RAP1GDS1: variants seen among roughly 807,000 people sequenced by gnomAD.
RAP1GDS1 encodes Rap1 GTPase-GDP dissociation stimulator 1, also known as RAP1, GTP-GDP dissociation stimulator 1.
A neutral mutation model predicts 71.1 loss-of-function variants in RAP1GDS1; 35 were observed. That is an observed-to-expected ratio of 0.49 (90% CI 0.38 to 0.65). The LOEUF (loss-of-function observed/expected upper bound fraction) is 0.65, where lower values mean the gene tolerates loss of function less well. Among genes scored for constraint, RAP1GDS1 ranks in the 30% least tolerant of loss-of-function variants. RAP1GDS1 has a pLI of 0.00. For synonymous variants in RAP1GDS1, 229 were observed against 243.1 expected, an observed-to-expected ratio of 0.94 and a Z score of 0.54; for missense variants, 663 against 706.1, an observed-to-expected ratio of 0.94 and a Z score of 0.69.
intron 1 of RAP1GDS1, among the ~76,000 whole-genome samples, chr4:98,268,469 C>G (rs943966425): frequency 1.3e-5 from 2 of 151,316 alleles, no homozygotes; most frequent in Non-Finnish European, 2.9e-5. Flanking sequence ...CCTAGCAGAG[C>G]AAATAGACAA....
chr4:98,276,092 G>A (rs1452346285), intron 1 of RAP1GDS1, among the ~76,000 whole-genome samples: 1 of 152,084 alleles, frequency 6.6e-6, no homozygotes, highest in Non-Finnish European at 1.5e-5. Context: ...TCAAGGTGCT[G>A]GCAGATTCAG....
At chr4:98,282,838 T>TC (rs1725356784) in intron 1 of RAP1GDS1, among the ~76,000 whole-genome samples, 1 of 152,204 alleles carries the variant, frequency 6.6e-6, no homozygotes, top group South Asian at 2.1e-4. Context: ...CTCATTGGTT[T>TC]CAAAGAACAT....
intron 2 of RAP1GDS1, among the ~76,000 whole-genome samples, chr4:98,308,871 A>T (rs543927192): frequency 4.6e-5 from 7 of 152,156 alleles, no homozygotes; most frequent in Non-Finnish European, 5.9e-5. Flanking sequence ...CTAGTAATGT[A>T]TAGTTTCAAA....
chr4:98,379,169 C>A lies in RAP1GDS1; in HGVS notation c.508+6C>A. The stretch of plus-strand genomic sequence containing the variant: ...GAACTATAGCAATGAGAATGGTAAA[C>A]AAAACTGAAAACTTGCTTTATCTCT... On this transcript the variant is annotated splice_donor_region_variant and intron_variant, in intron 5 of 14. Coordinates refer to ENST00000408927, the MANE Select transcript of RAP1GDS1 (RefSeq NM_001100427.2). 1 of 1,563,376 alleles carries A rather than the reference C, an allele frequency of 6.4e-7. No individual in the cohort carries two copies. Among genetic ancestry groups the A allele is most frequent in the Non-Finnish European group, 8.6e-7 (1 of 1,159,252 alleles).
At chr4:98,408,107 T>A (rs867627105) in intron 7 of RAP1GDS1, among the ~76,000 whole-genome samples, 238 of 149,678 alleles carry the variant, frequency 1.6e-3, no homozygotes, top group South Asian at 5.2e-3. Context: ...TATATATATT[T>A]TTTTTTTTCC....
intron 2 of RAP1GDS1, among the ~76,000 whole-genome samples, chr4:98,320,456 T>C (rs1731657796): frequency 6.6e-6 from 1 of 152,196 alleles, no homozygotes; most frequent in Non-Finnish European, 1.5e-5. Flanking sequence ...GATGGCCGAA[T>C]AGGAACAGCT....
At chr4:98,279,604 T>C (rs1455558691) in intron 1 of RAP1GDS1, among the ~76,000 whole-genome samples, 8 of 152,112 alleles carry the variant, frequency 5.3e-5, no homozygotes, top group Admixed American at 5.2e-4. Flanking sequence ...CATTATAAAA[T>C]ATTTTCTGAA....
At chr4:98,268,237 A>G (rs1426302959) in intron 1 of RAP1GDS1, among the ~76,000 whole-genome samples, 1 of 152,206 alleles carries the variant, frequency 6.6e-6, no homozygotes. Context: ...ATCTCAGTTG[A>G]TGCAGAAAAA....
At chr4:98,326,355 A>G (rs1733083741) in intron 2 of RAP1GDS1, among the ~76,000 whole-genome samples, 1 of 152,090 alleles carries the variant, frequency 6.6e-6, no homozygotes, top group Non-Finnish European at 1.5e-5. Context: ...TTAATATCAA[A>G]TTTCTACTTG....
chr4:98,293,281 A>G, intron 1 of RAP1GDS1, 127 bp from the exon 2 acceptor site: 1 of 592,548 alleles, frequency 1.7e-6, no homozygotes, highest in South Asian at 2.5e-5. Flanking sequence ...CCATTTTGGA[A>G]TGTACGTGGA....
At chr4:98,320,375 G>A (rs1046561010) in intron 2 of RAP1GDS1, among the ~76,000 whole-genome samples, 2 of 152,216 alleles carry the variant, frequency 1.3e-5, no homozygotes, top group African/African-American at 4.8e-5. Context: ...ATCTGGAGAA[G>A]AGCTGTTTGA....
intron 12 of RAP1GDS1, among the ~76,000 whole-genome samples, chr4:98,431,842 A>G (rs140055753): frequency 8.5e-5 from 13 of 152,338 alleles, no homozygotes; most frequent in East Asian, 7.7e-4. Context: ...TGTTTTATCT[A>G]TTTTTTAATC....
chr4:98,371,747 C>T (rs945064013), intron 4 of RAP1GDS1, among the ~76,000 whole-genome samples: 6 of 152,092 alleles, frequency 3.9e-5, no homozygotes, highest in East Asian at 3.9e-4. Flanking sequence ...TACGAGCCTC[C>T]GCCCCTGGCC....
At chr4:98,269,871 A>G (rs1167801773) in intron 1 of RAP1GDS1, among the ~76,000 whole-genome samples, 1 of 152,186 alleles carries the variant, frequency 6.6e-6, no homozygotes, top group Non-Finnish European at 1.5e-5. Flanking sequence ...GGGATACTCA[A>G]TCTGTATTTA....
intron 1 of RAP1GDS1, among the ~76,000 whole-genome samples, chr4:98,285,073 C>G (rs1725775272): frequency 6.6e-6 from 1 of 152,004 alleles, no homozygotes; most frequent in African/African-American, 2.4e-5. Flanking sequence ...AATAAAATGG[C>G]TTTTGTTTTA....
chr4:98,434,619 C>A (rs1016766214), intron 13 of RAP1GDS1, among the ~76,000 whole-genome samples: 12 of 134,456 alleles, frequency 8.9e-5, no homozygotes, highest in African/African-American at 3.3e-4. Flanking sequence ...TTTAACATAG[C>A]TTTTTTTTTT....
At chr4:98,430,908 T>C (rs540127632) in intron 12 of RAP1GDS1, among the ~76,000 whole-genome samples, 1 of 152,316 alleles carries the variant, frequency 6.6e-6, no homozygotes, top group South Asian at 2.1e-4. Flanking sequence ...TTCATGCTGC[T>C]TAGTCATCTC....
chr4:98,283,453 G>A (rs558377972), intron 1 of RAP1GDS1, among the ~76,000 whole-genome samples: 1 of 152,102 alleles, frequency 6.6e-6, no homozygotes, highest in African/African-American at 2.4e-5. Flanking sequence ...ACCATATTAG[G>A]CATTATAAAC....
At chr4:98,292,330 C>A (rs1452000747) in intron 1 of RAP1GDS1, among the ~76,000 whole-genome samples, 1 of 151,858 alleles carries the variant, frequency 6.6e-6, no homozygotes, top group Admixed American at 6.6e-5. Flanking sequence ...GAAGAGGACT[C>A]ACTTTGTTGC....
Sources: allele counts gnomAD v4.1 joint callset (sites outside exome capture counted in the v4.1 genomes callset), GRCh38; gene constraint gnomAD v4.1.1; transcripts MANE v1.5; gene names NCBI Gene and HGNC (gene_info 2026-07-23, HGNC 2026-07-21).